Variants in PDE8B observed in about 807,000 individuals in gnomAD.
The protein encoded by PDE8B is phosphodiesterase 8B.
In PDE8B, 26 loss-of-function variants were observed where a neutral mutation model predicts 101.3. That is an observed-to-expected ratio of 0.26 (90% CI 0.19 to 0.36). PDE8B has a LOEUF of 0.36. Among genes scored for constraint, PDE8B ranks in the 10% least tolerant of loss-of-function variants. The pLI, the probability that PDE8B is intolerant of heterozygous loss-of-function variation, is 1.00. For synonymous variants in PDE8B, 424 were observed against 429.3 expected, an observed-to-expected ratio of 0.99 and a Z score of 0.15; for missense variants, 810 against 1,163.1, an observed-to-expected ratio of 0.70 and a Z score of 4.42.
the PDE8B span, among the ~76,000 whole-genome samples, chr5:77,201,869 AT>A: frequency 1.2e-4 from 18 of 152,170 alleles, no homozygotes; most frequent in Non-Finnish European, 1.8e-4. Flanking sequence ...TTTTCTCACA[AT>A]TCTGGAGCCT....
At chr5:77,217,067 A>T (rs57587416) in intron 1 of PDE8B, among the ~76,000 whole-genome samples, 1,778 of 152,328 alleles carry the variant, frequency 0.012, 35 homozygotes, top group African/African-American at 0.041. Context: ...ATGACTAATG[A>T]TATTAAAATA....
the PDE8B span, among the ~76,000 whole-genome samples, chr5:77,115,542 T>G: frequency 6.6e-6 from 1 of 152,208 alleles, no homozygotes. Context: ...AATAGGAGTT[T>G]TCAGATGAGA....
chr5:77,374,586 T>C (rs773188641), intron 10 of PDE8B, among the ~76,000 whole-genome samples: 5 of 152,334 alleles, frequency 3.3e-5, no homozygotes, highest in East Asian at 1.9e-4. Flanking sequence ...CTTAGCCTAA[T>C]ATGGTACCAA....
chr5:77,291,018 G>A (rs1767202200), intron 1 of PDE8B: 2 of 1,612,120 alleles, frequency 1.2e-6, no homozygotes, highest in Non-Finnish European at 1.7e-6. Flanking sequence ...CACTCAGGTG[G>A]GAAAACAGAT....
At chr5:77,193,806 A>G in the PDE8B span, among the ~76,000 whole-genome samples, 1 of 152,166 alleles carries the variant, frequency 6.6e-6, no homozygotes, top group Non-Finnish European at 1.5e-5. Flanking sequence ...AGAACATTGT[A>G]TATCTCTATT....
intron 17 of PDE8B, among the ~76,000 whole-genome samples, chr5:77,416,287 TTAAAAAA>T (rs1484374084): frequency 3.3e-5 from 5 of 152,170 alleles, no homozygotes; most frequent in African/African-American, 7.2e-5. Flanking sequence ...CATTGAAGAA[TTAAAAAA>T]TAAACAGGCC....
the PDE8B span, among the ~76,000 whole-genome samples, chr5:77,166,124 A>G: frequency 6.6e-6 from 1 of 151,654 alleles, no homozygotes; most frequent in African/African-American, 2.4e-5. Context: ...AGCAGAAGAA[A>G]TGATGGAAGG....
chr5:77,350,128 G>T (rs1019095901), intron 8 of PDE8B, among the ~76,000 whole-genome samples: 1 of 152,148 alleles, frequency 6.6e-6, no homozygotes, highest in Non-Finnish European at 1.5e-5. Context: ...GCCTCTCATC[G>T]CTGGAACTGC....
chr5:77,354,737 A>C (rs1250200908), intron 10 of PDE8B, among the ~76,000 whole-genome samples: 1 of 151,736 alleles, frequency 6.6e-6, no homozygotes, highest in Non-Finnish European at 1.5e-5. Context: ...TCCCCCACCA[A>C]CTCAGCCTTG....
chr5:77,379,959 C>T (rs1425610277), intron 10 of PDE8B, among the ~76,000 whole-genome samples: 1 of 152,184 alleles, frequency 6.6e-6, no homozygotes, highest in Non-Finnish European at 1.5e-5. Flanking sequence ...GCAGTCTTGT[C>T]ACAAACATGA....
At chr5:77,297,203 T>C (rs1191393051) in intron 1 of PDE8B, among the ~76,000 whole-genome samples, 1 of 152,162 alleles carries the variant, frequency 6.6e-6, no homozygotes, top group East Asian at 1.9e-4. Flanking sequence ...ACAGCATTAA[T>C]CCATTCCTGA....
chr5:77,343,206 C>T (rs557633880), intron 6 of PDE8B, among the ~76,000 whole-genome samples: 15 of 152,208 alleles, frequency 9.9e-5, no homozygotes, highest in African/African-American at 3.6e-4. Context: ...ATTATTAACC[C>T]TCTTAGTCTG....
chr5:77,325,518 GC>G lies in PDE8B; in HGVS notation c.400-18del. On this transcript the variant is annotated intron_variant, in intron 2 of 21. Coordinates refer to ENST00000264917, the MANE Select transcript of PDE8B (RefSeq NM_003719.5). The stretch of plus-strand genomic sequence containing the variant: ...TATGGATGATGATTTATTTCAAGAT[GC>G]CCTTTTTGTTGTGTTTCAGGTTTTG... The G allele has an allele frequency of 6.2e-7, 1 of 1,608,598 alleles. No individual in the cohort carries two copies. Among genetic ancestry groups the G allele is most frequent in the Non-Finnish European group, 8.5e-7 (1 of 1,175,002 alleles).
At chr5:77,212,076 A>G (rs1166744055) in intron 1 of PDE8B, among the ~76,000 whole-genome samples, 1 of 152,232 alleles carries the variant, frequency 6.6e-6, no homozygotes, top group African/African-American at 2.4e-5. Flanking sequence ...TATTTCTTAA[A>G]GACAGAAGAA....
chr5:77,115,581 T>C, the PDE8B span, among the ~76,000 whole-genome samples: 5 of 152,332 alleles, frequency 3.3e-5, no homozygotes, highest in African/African-American at 1.2e-4. Context: ...ACATCACTTA[T>C]GGTGGGTACT....
chr5:77,322,837 CAA>C (rs1048660712), intron 2 of PDE8B, among the ~76,000 whole-genome samples: 4 of 148,728 alleles, frequency 2.7e-5, no homozygotes, highest in East Asian at 4.3e-4. Context: ...CACTACAATG[CAA>C]AGAGTCTTTA....
the PDE8B span, among the ~76,000 whole-genome samples, chr5:77,189,629 T>C: frequency 6.6e-6 from 1 of 152,170 alleles, no homozygotes; most frequent in African/African-American, 2.4e-5. Flanking sequence ...TGAAGGAGCA[T>C]GTCGGCATGC....
At position 77,337,293 on chromosome 5, in the gene PDE8B, G is replaced by T. The variant is rs1038557916; in HGVS notation, c.775G>T (p.Val259Phe). The change falls in exon 6 of 22, where the codon GTT becomes TTT. Residue 259 changes from valine (V) to phenylalanine (F), a missense_variant. Coordinates refer to ENST00000264917, the MANE Select transcript of PDE8B (RefSeq NM_003719.5). ...NELIQIEHGE[V>F]RSQFKLRACN... The stretch of plus-strand genomic sequence containing the variant: ...ACTGATTCAAATAGAACATGGGGAA[G>T]TTCGCTCCCAGTTCAAATTACGGTA... The T allele has an allele frequency of 6.3e-7, 1 of 1,582,962 alleles. No homozygotes were observed. Among genetic ancestry groups the T allele is most frequent in the Non-Finnish European group, 8.7e-7 (1 of 1,153,818 alleles).
At chr5:77,316,063 T>C (rs796582961) in intron 2 of PDE8B, among the ~76,000 whole-genome samples, 2 of 152,230 alleles carry the variant, frequency 1.3e-5, no homozygotes, top group African/African-American at 2.4e-5. Context: ...TCTGATTACA[T>C]TGAGTGTGAA....
Sources: allele counts gnomAD v4.1 joint callset (sites outside exome capture counted in the v4.1 genomes callset), GRCh38; gene constraint gnomAD v4.1.1; transcripts MANE v1.5; gene names NCBI Gene and HGNC (gene_info 2026-07-23, HGNC 2026-07-21).